The following PARD3B variants were observed in gnomAD, a reference collection of about 807,000 sequenced individuals.
PARD3B encodes partitioning defective 3 homolog B.
A neutral mutation model predicts 130.2 loss-of-function variants in PARD3B; 103 were observed. The ratio of observed to expected loss-of-function variants is 0.79; its 90% CI spans 0.67 to 0.93. The LOEUF (loss-of-function observed/expected upper bound fraction) is 0.93, where lower values mean the gene tolerates loss of function less well. PARD3B is among the 40% of genes least tolerant of loss of function. PARD3B has a pLI of 0.00. For synonymous variants in PARD3B, 583 were observed against 553.2 expected (o/e 1.05, Z -0.76); for missense variants, 1,609 against 1,499.2 (o/e 1.07, Z -1.21).
intron 18 of PARD3B, among the ~76,000 whole-genome samples, chr2:205,357,357 A>G (rs1329077495): frequency 2.6e-5 from 4 of 152,198 alleles, no homozygotes; most frequent in Admixed American, 2.0e-4. Flanking sequence ...AGTCCATGAA[A>G]CTTCCTGAGT....
intron 1 of PARD3B, among the ~76,000 whole-genome samples, chr2:204,614,687 T>G (rs1411493301): frequency 6.6e-6 from 1 of 152,134 alleles, no homozygotes; most frequent in East Asian, 1.9e-4. Flanking sequence ...ATGAGTGGTT[T>G]AGTACCATCC....
intron 10 of PARD3B, among the ~76,000 whole-genome samples, chr2:205,136,444 T>C (rs2032490354): frequency 6.6e-6 from 1 of 152,220 alleles, no homozygotes; most frequent in Non-Finnish European, 1.5e-5. Flanking sequence ...GAGAAAGATA[T>C]CAGCTCTGAG....
rs935684033 is a variant in PARD3B at position 204,799,521 on chromosome 2, A to G, written c.222+113239A>G. 6.6e-6 allele frequency among the ~76,000 whole-genome samples: 1 copy of G among 152,184 alleles called. No individual in the cohort carries two copies. Among genetic ancestry groups the G allele is most frequent in the African/African-American group, 2.4e-5 (1 of 41,448 alleles). On this transcript the variant is annotated intron_variant, in intron 2 of 22. Coordinates refer to ENST00000406610, the MANE Select transcript of PARD3B (RefSeq NM_001302769.2). This position sits in a 1 kb window ranked among gnomAD's most constrained non-coding sequence, Gnocchi z 4.1. ...TGAAGAGCCCTTGGGCCGTGAGTGA[A>G]CATTCACAGCCAGACAGTGGTCACT... is the stretch of plus-strand genomic sequence containing the variant.
chr2:205,410,451 G>A (rs969805704), intron 19 of PARD3B, among the ~76,000 whole-genome samples: 5 of 152,044 alleles, frequency 3.3e-5, no homozygotes, highest in African/African-American at 1.2e-4. Context: ...CACTTTTGAG[G>A]ATGTATTCTT....
intron 2 of PARD3B, among the ~76,000 whole-genome samples, chr2:204,726,093 G>C (rs2039213632): frequency 6.6e-6 from 1 of 152,192 alleles, no homozygotes; most frequent in South Asian, 2.1e-4. Flanking sequence ...CAGTGGATCT[G>C]CCATGCCTGT....
rs958081445 is a variant in PARD3B at position 204,623,109 on chromosome 2, G to A, written c.121-63072G>A. 2.0e-5 allele frequency among the ~76,000 whole-genome samples: 3 copies of A among 152,070 alleles called. No homozygotes were observed. Among genetic ancestry groups the A allele is most frequent in the African/African-American group, 4.8e-5 (2 of 41,420 alleles). ...TTTTGTGTAATAGTAGTTTTTGGCT[G>A]TATCCTTAGCCAGCAATTTTTATTT... On this transcript the variant is annotated intron_variant, in intron 1 of 22. Transcript: ENST00000406610. The surrounding 1 kb of genome is among the most constrained non-coding windows in gnomAD (Gnocchi z 4.5).
intron 2 of PARD3B, among the ~76,000 whole-genome samples, chr2:204,843,690 A>G (rs2044343220): frequency 6.6e-6 from 1 of 152,162 alleles, no homozygotes; most frequent in Non-Finnish European, 1.5e-5. Flanking sequence ...CTCAGTTTCC[A>G]TAATCAACCT....
At chr2:204,648,544 T>C (rs2035350981) in intron 1 of PARD3B, among the ~76,000 whole-genome samples, 3 of 137,596 alleles carry the variant, frequency 2.2e-5, no homozygotes, top group Non-Finnish European at 4.6e-5. Flanking sequence ...CTTTAATATA[T>C]AAAGCTTTAA....
chr2:205,052,421 A>ATATATATATATATATATATATG (rs1699263806), intron 4 of PARD3B, among the ~76,000 whole-genome samples: 1 of 11,654 alleles, frequency 8.6e-5, no homozygotes, highest in Non-Finnish European at 1.9e-4. Flanking sequence ...ATATATATGT[A>ATATATATATATATATATATATG]TATATATATA....
chr2:204,782,284 C>T (rs1436983483), intron 2 of PARD3B, among the ~76,000 whole-genome samples: 1 of 151,856 alleles, frequency 6.6e-6, no homozygotes, highest in Non-Finnish European at 1.5e-5. Context: ...CAGTAATTCA[C>T]TTATGAGTTT....
chr2:205,092,072 C>G (rs1206866591), intron 4 of PARD3B, among the ~76,000 whole-genome samples: 2 of 152,164 alleles, frequency 1.3e-5, no homozygotes, highest in South Asian at 4.2e-4. Flanking sequence ...AAGCAGAAGG[C>G]TACTAGAGGG....
At chr2:204,771,575 C>T (rs2041384305) in intron 2 of PARD3B, among the ~76,000 whole-genome samples, 1 of 152,086 alleles carries the variant, frequency 6.6e-6, no homozygotes, top group Non-Finnish European at 1.5e-5. Flanking sequence ...GTACTATGCT[C>T]ACCACCTGGG....
intron 1 of PARD3B, among the ~76,000 whole-genome samples, chr2:204,549,564 G>T (rs2030290264): frequency 6.6e-6 from 1 of 152,090 alleles, no homozygotes; most frequent in Non-Finnish European, 1.5e-5. Flanking sequence ...CATTCATTGG[G>T]TTAGGAGTGG....
intron 19 of PARD3B, among the ~76,000 whole-genome samples, chr2:205,424,906 A>C (rs538994963): frequency 6.6e-6 from 1 of 152,220 alleles, no homozygotes; most frequent in Non-Finnish European, 1.5e-5. Flanking sequence ...GTGCTACAAA[A>C]AGTGGGCAAA....
intron 1 of PARD3B, among the ~76,000 whole-genome samples, chr2:204,567,787 C>T (rs975049382): frequency 1.9e-4 from 29 of 152,154 alleles, no homozygotes; most frequent in Admixed American, 1.8e-3. Flanking sequence ...AGGAATCCCC[C>T]TACTGTCTTC....
chr2:204,938,950 A>T (rs1189405988), intron 2 of PARD3B, among the ~76,000 whole-genome samples: 1 of 152,188 alleles, frequency 6.6e-6, no homozygotes, highest in African/African-American at 2.4e-5. Flanking sequence ...ATGATTTGTG[A>T]TACCCAGAAA....
In PARD3B at chr2:204,705,909, C is replaced by T. The variant is rs555721274; in HGVS notation, c.222+19627C>T. On this transcript the variant is annotated intron_variant, in intron 2 of 22. Transcript: ENST00000406610. ...TCTTCCATCTGCAACTGATACTATGCGGTCCTTTAGTGCTGATCATATTTC... is the reference window on the plus strand; with the variant it reads ...TCTTCCATCTGCAACTGATACTATGTGGTCCTTTAGTGCTGATCATATTTC... 1.1e-4 allele frequency among the ~76,000 whole-genome samples: 16 copies of T among 152,246 alleles called. No homozygotes were observed. The South Asian group carries it at 1.2e-3, about 12-fold the overall frequency.
chr2:205,025,337 G>A (rs574933645), intron 3 of PARD3B, among the ~76,000 whole-genome samples: 1 of 152,168 alleles, frequency 6.6e-6, no homozygotes, highest in African/African-American at 2.4e-5. Context: ...TTGGACTGCT[G>A]TCATTGCCAA....
At chr2:204,830,332 C>T (rs1037228250) in intron 2 of PARD3B, among the ~76,000 whole-genome samples, 1 of 152,120 alleles carries the variant, frequency 6.6e-6, no homozygotes, top group Non-Finnish European at 1.5e-5. Context: ...AATCAGCTTT[C>T]AGTGGTGGAT....
Sources: allele counts gnomAD v4.1 joint callset (sites outside exome capture counted in the v4.1 genomes callset), GRCh38; gene constraint gnomAD v4.1.1; non-coding constraint Gnocchi (gnomAD v3.1); transcripts MANE v1.5; gene names NCBI Gene and HGNC (gene_info 2026-07-23, HGNC 2026-07-21).